Variants in CDC42BPB observed in about 807,000 individuals in gnomAD.
CDC42BPB encodes serine/threonine-protein kinase MRCK beta.
A neutral mutation model predicts 214.9 loss-of-function variants in CDC42BPB; 37 were observed. The observed-to-expected ratio is 0.17, with a 90% confidence interval of 0.13 to 0.23. The LOEUF (loss-of-function observed/expected upper bound fraction) is 0.23. Ranked by LOEUF, CDC42BPB falls within the 10% of genes least tolerant of loss-of-function variation. CDC42BPB has a pLI of 1.00. For missense variants in CDC42BPB, 1,694 were observed against 2,227.0 expected, an observed-to-expected ratio of 0.76 and a Z score of 4.82; for synonymous variants, 931 against 884.0, an observed-to-expected ratio of 1.05 and a Z score of -0.94.
intron 36 of CDC42BPB, among the ~76,000 whole-genome samples, chr14:102,934,835 G>A (rs1181256463): frequency 1.3e-5 from 2 of 151,714 alleles, no homozygotes; most frequent in East Asian, 1.9e-4. Context: ...GTGAAACCCT[G>A]TCTCTGCTAA....
At chr14:102,981,843 C>A (rs1595491590) in intron 7 of CDC42BPB, among the ~76,000 whole-genome samples, 1 of 152,302 alleles carries the variant, frequency 6.6e-6, no homozygotes, top group African/African-American at 2.4e-5. Context: ...AAAGACACCA[C>A]AGATACAATG....
At chr14:103,056,733 G>A (rs1311799715) in intron 1 of CDC42BPB, among the ~76,000 whole-genome samples, 1 of 152,052 alleles carries the variant, frequency 6.6e-6, no homozygotes, top group African/African-American at 2.4e-5. Flanking sequence ...ATGAGGGGGC[G>A]GGACGATCGA....
At chr14:102,945,084 C>T (rs573613291) in intron 29 of CDC42BPB, 11 of 355,468 alleles carry the variant, frequency 3.1e-5, no homozygotes, top group African/African-American at 8.5e-5. Flanking sequence ...TGCCAGGGTA[C>T]GGCCTCGCCC....
chr14:103,001,226 A>G lies in CDC42BPB; in HGVS notation c.448-1513T>C, dbSNP rs1894963967. On this transcript the variant is annotated intron_variant, in intron 4 of 36. Transcript: ENST00000361246. This position sits in a 1 kb window ranked among gnomAD's most constrained non-coding sequence, Gnocchi z 5.8. Reference sequence around the variant, plus strand: ...CCCGTCCTTCCCCGCCGAGTTTTTCAATTTGTTCATTCGCTCGTGCACCCT... The same window carrying G: ...CCCGTCCTTCCCCGCCGAGTTTTTCGATTTGTTCATTCGCTCGTGCACCCT... Among the ~76,000 whole-genome samples the G allele has an allele frequency of 6.6e-6, 1 of 151,936 alleles. No homozygotes were observed. The highest frequency in any genetic ancestry group is 2.4e-5 in the African/African-American group (1 of 41,352).
At chr14:103,031,990 A>ATT (rs1192491008) in intron 1 of CDC42BPB, among the ~76,000 whole-genome samples, 13 of 131,568 alleles carry the variant, frequency 9.9e-5, no homozygotes, top group African/African-American at 4.7e-4. Flanking sequence ...TATTATTATT[A>ATT]TTTTTTTTTT....
chr14:102,941,594 A>C, intron 30 of CDC42BPB: 1 of 979,896 alleles, frequency 1.0e-6, no homozygotes, highest in Non-Finnish European at 1.2e-6. Context: ...TTGCCTGCCG[A>C]GTATGTGGGG....
intron 34 of CDC42BPB, 145 bp from the exon 35 acceptor site, chr14:102,938,556 G>A: frequency 2.1e-6 from 3 of 1,417,448 alleles, no homozygotes; most frequent in Non-Finnish European, 2.7e-6. Flanking sequence ...TTGGACAAGG[G>A]TTCTGGACAG....
intron 2 of CDC42BPB, chr14:103,008,848 TATGAGGACCC>T (rs1885994793): frequency 5.9e-6 from 1 of 169,530 alleles, no homozygotes; most frequent in Admixed American, 6.5e-5. Context: ...CTGAGACACC[TATGAGGACCC>T]ATGAGCACTG....
intron 16 of CDC42BPB, chr14:102,967,475 G>A: frequency 2.2e-6 from 1 of 444,770 alleles, no homozygotes; most frequent in Non-Finnish European, 3.0e-6. Flanking sequence ...AATTAAAACA[G>A]TCACGTGTAG....
At chr14:102,952,715 A>G in intron 23 of CDC42BPB, 112 bp from the exon 24 acceptor site, 2 of 1,488,156 alleles carry the variant, frequency 1.3e-6, no homozygotes, top group Non-Finnish European at 1.8e-6. Context: ...GAAAAGGTGG[A>G]AATGTGCAAG....
Position 103,057,013 on chromosome 14 carries a change from T to C in CDC42BPB, c.161A>G (p.Glu54Gly). 1.4e-6 allele frequency: 2 copies of C among 1,476,482 alleles called. No individual in the cohort carries two copies. Among genetic ancestry groups the C allele is most frequent in the Non-Finnish European group, 1.8e-6 (2 of 1,115,368 alleles). The allele number at this position is 1,476,482 out of a possible 1,614,324, so 91.5% of individuals were successfully genotyped here. ...SALRRDKYVA[E>G]FLEWAKPFTQ... ...CGCGCACTTACCCCACTCGAGGAAC[T>C]CGGCCACGTACTTGTCGCGGCGCAG... Residue 54 changes from glutamate (E) to glycine (G), a missense_variant, in exon 1 of 37, where the codon GAG (glutamate) becomes GGG (glycine). Glu to Gly is a moderately conservative substitution (Grantham distance 98). Around this residue, in one of 7 missense-constraint regions of CDC42BPB, gnomAD observed 83 missense variants for 79.9 expected, o/e 1.04. Transcript: ENST00000361246.
chr14:102,939,380 A>G (rs1318443674), intron 34 of CDC42BPB, among the ~76,000 whole-genome samples: 1 of 152,262 alleles, frequency 6.6e-6, no homozygotes, highest in Non-Finnish European at 1.5e-5. Flanking sequence ...AAGTACCTGC[A>G]GCATCACTGC....
At chr14:102,942,659 C>G (rs1174775566) in intron 30 of CDC42BPB, among the ~76,000 whole-genome samples, 3 of 152,264 alleles carry the variant, frequency 2.0e-5, no homozygotes, top group Non-Finnish European at 4.4e-5. Flanking sequence ...ATCCTCCTGT[C>G]TCAGCCTCCC....
At position 102,978,092 on chromosome 14, in the gene CDC42BPB, G is replaced by A. The variant is rs34627821; in HGVS notation, c.1220+34C>T. 226 of 1,496,112 alleles carry A rather than the reference G, an allele frequency of 1.5e-4. 1 individual carries two copies. In the East Asian group the frequency reaches 4.7e-3, roughly 31 times the overall value. The allele number at this position is 1,496,112 out of a possible 1,614,324, so 92.7% of individuals were successfully genotyped here. On this transcript the variant is annotated intron_variant, in intron 9 of 36. Coordinates refer to ENST00000361246, the MANE Select transcript of CDC42BPB (RefSeq NM_006035.4). Reference sequence around the variant, plus strand: ...TGACTGTTCATCTACCACAGGGGAAGTGTCTCCCTGGGGAATGATAAATCC... The same window carrying A: ...TGACTGTTCATCTACCACAGGGGAAATGTCTCCCTGGGGAATGATAAATCC...
intron 36 of CDC42BPB, among the ~76,000 whole-genome samples, chr14:102,937,877 T>G (rs1891711230): frequency 6.6e-6 from 1 of 152,244 alleles, no homozygotes; most frequent in African/African-American, 2.4e-5. Flanking sequence ...GACAGCCCTG[T>G]CCCTAGTCAG....
At chr14:103,017,410 T>C (rs1414328710) in intron 1 of CDC42BPB, among the ~76,000 whole-genome samples, 1 of 152,080 alleles carries the variant, frequency 6.6e-6, no homozygotes, top group Non-Finnish European at 1.5e-5. Flanking sequence ...GGGATATTTA[T>C]ATAGTTTCAA....
Position 102,998,075 on chromosome 14 carries a change from T to A in CDC42BPB, c.596+1490A>T, listed in dbSNP as rs572488197. Among the ~76,000 whole-genome samples the A allele has an allele frequency of 2.6e-5, 4 of 152,046 alleles. No individual in the cohort carries two copies. The South Asian group carries it at 8.3e-4, about 32-fold the overall frequency. On this transcript the variant is annotated intron_variant, in intron 5 of 36. Transcript: ENST00000361246. ...CCCAGGAGGCAGAGGCTATAGTGAG[T>A]GAAATCACGCCACTGCACTCCAGCC...
intron 36 of CDC42BPB, 145 bp downstream of exon 36, chr14:102,937,959 C>T: frequency 1.2e-6 from 1 of 861,902 alleles, no homozygotes; most frequent in Non-Finnish European, 1.9e-6. Context: ...GACAGCCACC[C>T]CGACCCCTGC....
intron 8 of CDC42BPB, 30 bp from the exon 9 acceptor site, chr14:102,978,235 A>C: frequency 6.2e-7 from 1 of 1,606,160 alleles, no homozygotes; most frequent in Non-Finnish European, 8.5e-7. Context: ...ACACAAATGA[A>C]ATCTACATTC....
Sources: allele counts gnomAD v4.1 joint callset (sites outside exome capture counted in the v4.1 genomes callset), GRCh38; gene constraint gnomAD v4.1.1; regional missense constraint gnomAD v4.1.1; non-coding constraint Gnocchi (gnomAD v3.1); transcripts MANE v1.5; gene names NCBI Gene and HGNC (gene_info 2026-07-23, HGNC 2026-07-21).